The following NFATC1 variants were observed in gnomAD, a reference collection of about 807,000 sequenced individuals.
NFATC1 encodes the protein nuclear factor of activated T-cells, cytoplasmic 1.
NFATC1 carries 22 observed loss-of-function variants against 76.0 expected under a neutral mutation model. The observed-to-expected ratio is 0.29, with a 90% CI of 0.21 to 0.41. The LOEUF is 0.41. Ranked by LOEUF, NFATC1 falls within the 10% of genes least tolerant of loss-of-function variation. The pLI is 1.00. For missense variants in NFATC1, 1,357 were observed against 1,337.7 expected (o/e 1.01, Z -0.23); for synonymous variants, 704 against 613.1 (o/e 1.15, Z -2.19).
chr18:79,433,502 C>A, intron 2 of NFATC1, 77 bp from the exon 3 acceptor site: 1 of 1,560,142 alleles, frequency 6.4e-7, no homozygotes. Context: ...AAGATGGCGA[C>A]GGGTGAGCAC....
At chr18:79,412,984 C>G (rs111327473) in intron 2 of NFATC1, among the ~76,000 whole-genome samples, 2,209 of 152,262 alleles carry the variant, frequency 0.015, 47 homozygotes, top group African/African-American at 0.045. Context: ...AATAAAAATC[C>G]CATTCAGTTG....
intron 2 of NFATC1, among the ~76,000 whole-genome samples, chr18:79,424,504 C>T (rs770444414): frequency 3.3e-5 from 5 of 151,672 alleles, no homozygotes; most frequent in East Asian, 1.9e-4. Context: ...TGTCTCTCTC[C>T]GTCTCTGTCT....
intron 9 of NFATC1, among the ~76,000 whole-genome samples, chr18:79,523,115 C>G (rs987273642): frequency 1.3e-5 from 2 of 152,210 alleles, no homozygotes; most frequent in Non-Finnish European, 2.9e-5. Flanking sequence ...GGGGCTGTTG[C>G]AAGGAGCAAG....
chr18:79,400,209 A>C (rs966106551), intron 1 of NFATC1: 4 of 1,183,636 alleles, frequency 3.4e-6, no homozygotes, highest in Middle Eastern at 3.5e-4. Flanking sequence ...AAAACTCGGA[A>C]GCCGGCGGCC....
intron 7 of NFATC1, among the ~76,000 whole-genome samples, chr18:79,464,692 A>T (rs113141404): frequency 1.7e-4 from 19 of 111,568 alleles, no homozygotes; most frequent in African/African-American, 2.6e-4. Flanking sequence ...GTATATATAT[A>T]TATTTATTTA....
intron 2 of NFATC1, among the ~76,000 whole-genome samples, chr18:79,424,229 G>T (rs989359202): frequency 6.6e-6 from 1 of 152,196 alleles, no homozygotes; most frequent in Non-Finnish European, 1.5e-5. Context: ...GAAACGCGGC[G>T]TGTGCGGGCC....
In NFATC1 at chr18:79,396,217, C is replaced by G. The variant is rs2148110567; in HGVS notation, c.-8C>G. 6.7e-7 allele frequency: 1 copy of G among 1,483,056 alleles called. No individual in the cohort carries two copies. The highest frequency in any genetic ancestry group is 1.2e-5 in the South Asian group (1 of 80,166). 91.9% of individuals were successfully genotyped at this position (1,483,056 alleles called of 1,614,324 possible). A position where few individuals can be genotyped will look rare whatever the true frequency, so the allele number is the denominator to read the frequency against. On this transcript the variant is annotated 5_prime_UTR_variant, in exon 1 of 10. Transcript: ENST00000427363. ...CCCGCCGCTCCACTCCCCGCCGCCG[C>G]CGCGCGGATGCCAAGCACCAGCTTT...
At chr18:79,471,716 G>A (rs2088794637) in intron 8 of NFATC1, among the ~76,000 whole-genome samples, 1 of 152,156 alleles carries the variant, frequency 6.6e-6, no homozygotes, top group African/African-American at 2.4e-5. Flanking sequence ...CCGTGACAAG[G>A]AGTGGCTGCT....
intron 8 of NFATC1, among the ~76,000 whole-genome samples, chr18:79,471,770 C>G (rs2088796295): frequency 6.6e-6 from 1 of 152,258 alleles, no homozygotes; most frequent in Non-Finnish European, 1.5e-5. Context: ...CAGAACGTGA[C>G]ATCCAGGGTG....
rs567156451 is a variant in NFATC1, at chr18:79,454,519, G to A, written c.1903+2703G>A. Among the ~76,000 whole-genome samples the A allele has an allele frequency of 5.8e-4, 88 of 152,278 alleles. No individual in the cohort carries two copies. In the East Asian group the frequency reaches 0.013, roughly 22 times the overall value. On this transcript the variant is annotated intron_variant, in intron 6 of 9. Coordinates refer to ENST00000427363, the MANE Select transcript of NFATC1 (RefSeq NM_001278669.2). ...CGGCCGGGCAAGGGCATGGCTCGCCGTAGCCTGGGTGCCGGGTCCCTCTGG... is the reference window on the plus strand; with the variant it reads ...CGGCCGGGCAAGGGCATGGCTCGCCATAGCCTGGGTGCCGGGTCCCTCTGG...
chr18:79,411,978 A>G (rs572492798), intron 2 of NFATC1, among the ~76,000 whole-genome samples: 35 of 152,160 alleles, frequency 2.3e-4, no homozygotes, highest in African/African-American at 7.0e-4. Context: ...CCCTGCAGTA[A>G]TTGCCTTCCC....
intron 1 of NFATC1, among the ~76,000 whole-genome samples, chr18:79,399,122 A>G (rs2085098681): frequency 6.6e-6 from 1 of 152,258 alleles, no homozygotes; most frequent in South Asian, 2.1e-4. Flanking sequence ...GCTTCTCAAC[A>G]GAAAACAGAA....
At chr18:79,478,839 C>G (rs1255575433) in intron 8 of NFATC1, among the ~76,000 whole-genome samples, 2 of 152,198 alleles carry the variant, frequency 1.3e-5, no homozygotes, top group African/African-American at 4.8e-5. Flanking sequence ...AAGCTGGGCC[C>G]CAGAACAGCA....
intron 2 of NFATC1, among the ~76,000 whole-genome samples, chr18:79,420,521 G>A (rs2086046074): frequency 6.6e-6 from 1 of 151,742 alleles, no homozygotes; most frequent in African/African-American, 2.4e-5. Flanking sequence ...GCATTTCCAG[G>A]CGAGGTCACT....
intron 2 of NFATC1, among the ~76,000 whole-genome samples, chr18:79,423,902 G>T (rs978011027): frequency 2.6e-5 from 4 of 152,194 alleles, no homozygotes; most frequent in African/African-American, 9.6e-5. Context: ...GGGTTGGACG[G>T]GAGCCAGCCC....
At chr18:79,473,842 TCACA>T (rs1215999194) in intron 8 of NFATC1, among the ~76,000 whole-genome samples, 14 of 148,652 alleles carry the variant, frequency 9.4e-5, no homozygotes, top group South Asian at 4.3e-4. Context: ...AAGTGTGTTC[TCACA>T]CTCACTGTCA....
chr18:79,405,789 C>T (rs977917609), intron 1 of NFATC1, among the ~76,000 whole-genome samples: 3 of 152,232 alleles, frequency 2.0e-5, no homozygotes, highest in African/African-American at 4.8e-5. Flanking sequence ...TATGGTGTTT[C>T]TTTGCCTCAT....
intron 8 of NFATC1, among the ~76,000 whole-genome samples, chr18:79,481,864 C>T (rs573256865): frequency 7.6e-5 from 11 of 144,800 alleles, no homozygotes; most frequent in South Asian, 4.3e-4. Context: ...ATAATTCCAG[C>T]GCGACCTTGT....
At chr18:79,526,812 G>A (rs370884274) in intron 9 of NFATC1, among the ~76,000 whole-genome samples, 2 of 152,228 alleles carry the variant, frequency 1.3e-5, no homozygotes, top group Non-Finnish European at 2.9e-5. Context: ...GCAGAAACAC[G>A]TGGGGCTTAT....
Sources: allele counts gnomAD v4.1 joint callset (sites outside exome capture counted in the v4.1 genomes callset), GRCh38; gene constraint gnomAD v4.1.1; transcripts MANE v1.5; gene names NCBI Gene and HGNC (gene_info 2026-07-23, HGNC 2026-07-21).